Variants in STXBP4 observed in about 807,000 individuals in gnomAD.
STXBP4 encodes syntaxin binding protein 4.
In STXBP4, 55 loss-of-function variants were observed where a neutral mutation model predicts 76.1. The observed-to-expected ratio is 0.72, with a 90% CI of 0.58 to 0.91. The LOEUF (loss-of-function observed/expected upper bound fraction) is 0.91. Ranked by LOEUF, STXBP4 falls within the 40% of genes least tolerant of loss-of-function variation. STXBP4 has a pLI of 0.00. For missense variants in STXBP4, 618 were observed against 636.9 expected, an observed-to-expected ratio of 0.97 and a Z score of 0.32; for synonymous variants, 201 against 220.2, an observed-to-expected ratio of 0.91 and a Z score of 0.77.
chr17:55,014,428 C>T lies in STXBP4; in HGVS notation c.666+6831C>T, dbSNP rs117710666. On this transcript the variant is annotated intron_variant, in intron 8 of 17. Coordinates refer to ENST00000376352, the MANE Select transcript of STXBP4 (RefSeq NM_178509.6). ...AAAGCATGTGAAAAGAGTAAAATTC[C>T]CTAGTTACAACTTAGTGGCTGGGAG... 2.0e-5 allele frequency among the ~76,000 whole-genome samples: 3 copies of T among 152,098 alleles called. No individual in the cohort carries two copies. In the East Asian group the frequency reaches 5.8e-4, roughly 29 times the overall value.
chr17:55,020,796 A>C (rs2078296731), intron 8 of STXBP4, among the ~76,000 whole-genome samples: 1 of 152,200 alleles, frequency 6.6e-6, no homozygotes, highest in South Asian at 2.1e-4. Flanking sequence ...CAGCTTGGGC[A>C]ACAAGAGTGA....
rs2144971267 is a variant in STXBP4 at position 55,091,995 on chromosome 17, G to A, written c.1489+10812G>A. Among the ~76,000 whole-genome samples, 3 of 152,264 alleles carry A rather than the reference G, an allele frequency of 2.0e-5. No individual in the cohort carries two copies. In the South Asian group the frequency reaches 6.2e-4, roughly 32 times the overall value. ...TCTGGTCCAAGCATCTCAGATAAGG[G>A]TACTCAACCTGTAATATCAAAAATA... On this transcript the variant is annotated intron_variant, in intron 16 of 17. Coordinates refer to ENST00000376352, the MANE Select transcript of STXBP4 (RefSeq NM_178509.6).
chr17:55,131,005 A>G (rs1353013760), intron 16 of STXBP4, among the ~76,000 whole-genome samples: 2 of 152,350 alleles, frequency 1.3e-5, no homozygotes, highest in East Asian at 1.9e-4. Context: ...TCTTCAACAT[A>G]CAGATTTCAA....
intron 12 of STXBP4, among the ~76,000 whole-genome samples, chr17:55,057,917 A>ATG (rs1356186650): frequency 4.6e-5 from 7 of 152,122 alleles, no homozygotes; most frequent in Non-Finnish European, 8.8e-5. Flanking sequence ...GAATTCCATG[A>ATG]TGTATATATG....
chr17:55,074,060 A>C (rs141479785), intron 13 of STXBP4, among the ~76,000 whole-genome samples: 306 of 152,342 alleles, frequency 2.0e-3, no homozygotes, highest in Middle Eastern at 0.01. Context: ...AAATTGAAAT[A>C]AATATTCATA....
chr17:55,132,333 G>A (rs1342029534), intron 16 of STXBP4, among the ~76,000 whole-genome samples: 2 of 152,028 alleles, frequency 1.3e-5, no homozygotes, highest in East Asian at 3.9e-4. Flanking sequence ...TGGGATTACA[G>A]GTGTGTGCCA....
chr17:55,020,689 G>A (rs1375329048), intron 8 of STXBP4, among the ~76,000 whole-genome samples: 1 of 152,004 alleles, frequency 6.6e-6, no homozygotes, highest in African/African-American at 2.4e-5. Flanking sequence ...ATGGTGGCAT[G>A]CACCTGTAAT....
chr17:55,151,170 T>C (rs1041478978), intron 17 of STXBP4, among the ~76,000 whole-genome samples: 2 of 152,144 alleles, frequency 1.3e-5, no homozygotes, highest in African/African-American at 4.8e-5. Flanking sequence ...TAAATTTGTG[T>C]TGTTTTAGGC....
At chr17:54,977,385 A>G (rs1278229259) in intron 1 of STXBP4, among the ~76,000 whole-genome samples, 2 of 152,168 alleles carry the variant, frequency 1.3e-5, no homozygotes, top group Non-Finnish European at 2.9e-5. Flanking sequence ...TTTTCTTGTC[A>G]TCATGCCCTA....
chr17:55,085,230 G>A (rs1179473522), intron 16 of STXBP4, among the ~76,000 whole-genome samples: 1 of 151,222 alleles, frequency 6.6e-6, no homozygotes, highest in Non-Finnish European at 1.5e-5. Context: ...AGGGGGGAGG[G>A]ATGGCAGTGG....
intron 8 of STXBP4, among the ~76,000 whole-genome samples, chr17:55,021,374 A>T (rs564802860): frequency 2.8e-4 from 42 of 152,242 alleles, no homozygotes; most frequent in African/African-American, 1.0e-3. Context: ...TTTTTTAAAA[A>T]TTAGCCAGTT....
chr17:55,150,064 A>G, intron 17 of STXBP4, among the ~76,000 whole-genome samples: 1 of 152,168 alleles, frequency 6.6e-6, no homozygotes, highest in East Asian at 1.9e-4. Context: ...GAGGGTTAAT[A>G]CTTCTATTTG....
At chr17:55,137,277 C>T (rs1201791719) in intron 16 of STXBP4, among the ~76,000 whole-genome samples, 1 of 147,056 alleles carries the variant, frequency 6.8e-6, no homozygotes, top group Non-Finnish European at 1.5e-5. Context: ...TCCATGTTCC[C>T]TCCCTCCCTC....
intron 12 of STXBP4, among the ~76,000 whole-genome samples, chr17:55,067,232 A>G (rs996011197): frequency 6.6e-6 from 1 of 152,188 alleles, no homozygotes; most frequent in Non-Finnish European, 1.5e-5. Flanking sequence ...TGGGTAATAA[A>G]GCATTTTAAT....
intron 1 of STXBP4, among the ~76,000 whole-genome samples, chr17:54,981,166 C>G (rs2077546055): frequency 3.2e-5 from 2 of 63,068 alleles, no homozygotes; most frequent in South Asian, 7.9e-4. Flanking sequence ...AACAATACTT[C>G]TTCAATTATT....
At chr17:55,140,500 G>C (rs929742553) in intron 16 of STXBP4, among the ~76,000 whole-genome samples, 7 of 152,062 alleles carry the variant, frequency 4.6e-5, no homozygotes, top group African/African-American at 1.7e-4. Flanking sequence ...AGCAGTACTT[G>C]GATGGAACAG....
At chr17:55,133,954 A>G (rs1315249819) in intron 16 of STXBP4, among the ~76,000 whole-genome samples, 3 of 152,206 alleles carry the variant, frequency 2.0e-5, no homozygotes, top group Non-Finnish European at 2.9e-5. Flanking sequence ...GAAATGGAGT[A>G]GTAGCTGCAA....
At chr17:54,968,853 T>G in intron 1 of STXBP4, 38 bp downstream of exon 1, 1 of 559,930 alleles carries the variant, frequency 1.8e-6, no homozygotes, top group Non-Finnish European at 3.2e-6. Context: ...TTACTCCCAC[T>G]TCGCTTCTCG....
chr17:55,060,387 A>G (rs1278514353), intron 12 of STXBP4, among the ~76,000 whole-genome samples: 1 of 152,170 alleles, frequency 6.6e-6, no homozygotes, highest in Non-Finnish European at 1.5e-5. Context: ...CAGAGTATGT[A>G]TAACTCTTCT....
Sources: allele counts gnomAD v4.1 joint callset (sites outside exome capture counted in the v4.1 genomes callset), GRCh38; gene constraint gnomAD v4.1.1; transcripts MANE v1.5; gene names NCBI Gene and HGNC (gene_info 2026-07-23, HGNC 2026-07-21).